LDHD: variants seen among roughly 807,000 people sequenced by gnomAD.
LDHD encodes lactate dehydrogenase D.
Under a neutral mutation model 52.9 loss-of-function variants are expected in LDHD, and 58 were observed. The observed-to-expected ratio is 1.10, with a 90% CI of 0.89 to 1.36. LDHD has a LOEUF of 1.36. Ranked by LOEUF, LDHD falls within the 40% of genes most tolerant of loss-of-function variation. LDHD has a pLI of 0.00. For synonymous variants in LDHD, 350 were observed against 288.6 expected, an observed-to-expected ratio of 1.21 and a Z score of -2.16; for missense variants, 747 against 668.0, an observed-to-expected ratio of 1.12 and a Z score of -1.30.
intron 5 of LDHD, 168 bp from the exon 6 acceptor site, chr16:75,114,333 C>A: frequency 6.8e-7 from 1 of 1,468,882 alleles, no homozygotes; most frequent in South Asian, 1.3e-5. Flanking sequence ...CAAAGCCAGT[C>A]GGCCTCAGGC....
In LDHD at chr16:75,113,540, A is replaced by G. The variant is rs773986019; in HGVS notation, c.1081T>C (p.Cys361Arg). 5 of 1,605,572 alleles carry G rather than the reference A, an allele frequency of 3.1e-6. No individual in the cohort carries two copies. Among genetic ancestry groups the G allele is most frequent in the Non-Finnish European group, 2.6e-6 (3 of 1,176,288 alleles). ...GTACCCCAGCCCCAGCTCACCTTGCAGCCTGGCCGCGTGGCCAGGGCTGCG... is the reference window on the plus strand; with the variant it reads ...GTACCCCAGCCCCAGCTCACCTTGCGGCCTGGCCGCGTGGCCAGGGCTGCG... The part of the protein sequence containing the change: ...WYAALATRPG[C>R]KGYSTDVCVP... Residue 361 changes from cysteine to arginine, a missense_variant, in exon 8 of 11, where the codon TGC becomes CGC. Cys to Arg is a radical substitution (Grantham distance 180). Transcript: ENST00000450168.
chr16:75,112,251 A>G lies in LDHD; in HGVS notation c.*105T>C. 1 of 1,357,094 alleles carries G rather than the reference A, an allele frequency of 7.4e-7. No homozygotes were observed. Among genetic ancestry groups the G allele is most frequent in the Non-Finnish European group, 1.0e-6 (1 of 989,278 alleles). The allele number at this position is 1,357,094 out of a possible 1,614,324, so 84.1% of individuals were successfully genotyped here. A position where few individuals can be genotyped will look rare whatever the true frequency, so the allele number is the denominator to read the frequency against. Reference sequence around the variant, plus strand: ...AGATACAGTGGGCTCGCTGGCAGGAAGACTGCCTCAGCATCTATTTCCTTG... The same window carrying G: ...AGATACAGTGGGCTCGCTGGCAGGAGGACTGCCTCAGCATCTATTTCCTTG... On this transcript the variant is annotated 3_prime_UTR_variant, in exon 11 of 11. Transcript: ENST00000450168.
At position 75,112,826 on chromosome 16, in the gene LDHD, G is replaced by T. The variant is rs769030203; in HGVS notation, c.1177+8C>A. The stretch of plus-strand genomic sequence containing the variant: ...CCCACCTCTCCCCAGCAGCAGGGTG[G>T]GCAGAACCTGTGAGTCCTGAGGCAT... On this transcript the variant is annotated splice_region_variant and intron_variant, in intron 9 of 10. Transcript: ENST00000450168. The T allele has an allele frequency of 6.2e-7, 1 of 1,611,642 alleles. No homozygotes were observed. The highest frequency in any genetic ancestry group is 1.3e-5 in the African/African-American group (1 of 74,972).
chr16:75,113,526 C>T lies in LDHD; in HGVS notation c.1086+9G>A. On this transcript the variant is annotated intron_variant, in intron 8 of 10. Transcript: ENST00000450168. Reference sequence around the variant, plus strand: ...TGTGGGCCCCATCTGTACCCCAGCCCCAGCTCACCTTGCAGCCTGGCCGCG... The same window carrying T: ...TGTGGGCCCCATCTGTACCCCAGCCTCAGCTCACCTTGCAGCCTGGCCGCG... 6.2e-7 allele frequency: 1 copy of T among 1,601,496 alleles called. No homozygotes were observed. Among genetic ancestry groups the T allele is most frequent in the South Asian group, 1.1e-5 (1 of 90,186 alleles).
At chr16:75,115,422 G>C (rs1182385796) in intron 2 of LDHD, 83 bp from the exon 3 acceptor site, 2 of 1,595,784 alleles carry the variant, frequency 1.3e-6, no homozygotes, top group Non-Finnish European at 8.6e-7. Flanking sequence ...TACAGCAAGC[G>C]AGGGGCAGAG....
At position 75,115,654 on chromosome 16, in the gene LDHD, G is replaced by A. The variant is rs2036536684; in HGVS notation, c.79C>T (p.Leu27Phe). 1 of 1,600,696 alleles carries A rather than the reference G, an allele frequency of 6.2e-7. No homozygotes were observed. The highest frequency in any genetic ancestry group is 1.3e-5 in the African/African-American group (1 of 74,792). ...GYCSQKAKGE[L>F]CRDFVEALKA... ...AGAGCCTCTACGAAGTCCCTGCAGA[G>A]CTCTCCCTGCAGGGAAGAAACACAC... The change falls in exon 2 of 11, where the codon CTC becomes TTC. Residue 27 changes from leucine to phenylalanine, a missense_variant. Coordinates refer to ENST00000450168, the MANE Select transcript of LDHD (RefSeq NM_194436.3).
rs765969328 is a variant in LDHD at position 75,115,285 on chromosome 16, C to T, written c.240G>A (p.Arg80=). Residue 80 remains arginine, a synonymous_variant, in exon 3 of 11, where the codon CGG becomes CGA. Coordinates refer to ENST00000450168, the MANE Select transcript of LDHD (RefSeq NM_194436.3). The part of the protein sequence containing the change: ...VWPQNVEQVS[R]LAALCYRQGV... ...CTTGGCGATAGCACAGGGCTGCCAG[C>T]CGGCTGACCTGCTCCACGTTCTGGG... 20 of 1,613,568 alleles carry T rather than the reference C, an allele frequency of 1.2e-5. No individual in the cohort carries two copies. In the South Asian group the frequency reaches 2.0e-4, roughly 16 times the overall value.
In LDHD at chr16:75,113,583, T is replaced by C. The variant is rs781298856; in HGVS notation, c.1038A>G (p.Ala346=). Reference sequence around the variant, plus strand: ...GGGCTGCGTACCAGGCATTGTGCCGTGCTGTCCAAAGCCGGCTGCGCTCCT... The same window carrying C: ...GGGCTGCGTACCAGGCATTGTGCCGCGCTGTCCAAAGCCGGCTGCGCTCCT... ...EAEERSRLWT[A]RHNAWYAALA... is the part of the protein sequence containing the mutation. The change falls in exon 8 of 11, where the codon GCA becomes GCG. Residue 346 remains alanine (A), a synonymous_variant. Coordinates refer to ENST00000450168, the MANE Select transcript of LDHD (RefSeq NM_194436.3). 2 of 1,613,140 alleles carry C rather than the reference T, an allele frequency of 1.2e-6. No homozygotes were observed. Among genetic ancestry groups the C allele is most frequent in the Non-Finnish European group, 1.7e-6 (2 of 1,179,942 alleles).
chr16:75,112,823 G>A lies in LDHD; in HGVS notation c.1177+11C>T, dbSNP rs1482790844. On this transcript the variant is annotated intron_variant, in intron 9 of 10. Coordinates refer to ENST00000450168, the MANE Select transcript of LDHD (RefSeq NM_194436.3). ...CTCCCCACCTCTCCCCAGCAGCAGG[G>A]TGGGCAGAACCTGTGAGTCCTGAGG... 1 of 1,611,444 alleles carries A rather than the reference G, an allele frequency of 6.2e-7. No individual in the cohort carries two copies. Among genetic ancestry groups the A allele is most frequent in the East Asian group, 2.2e-5 (1 of 44,788 alleles).
chr16:75,116,640 T>G lies in LDHD; in HGVS notation c.72+9A>C, dbSNP rs1484151145. The stretch of plus-strand genomic sequence containing the variant: ...ATCCCTCCAGAGGACTTCTCTTCTC[T>G]CCCGGTACCTTTGCCTTCTGGGAGC... On this transcript the variant is annotated intron_variant, in intron 1 of 10. Coordinates refer to ENST00000450168, the MANE Select transcript of LDHD (RefSeq NM_194436.3). 1.9e-6 allele frequency: 3 copies of G among 1,605,256 alleles called. No individual in the cohort carries two copies. Among genetic ancestry groups the G allele is most frequent in the Non-Finnish European group, 2.6e-6 (3 of 1,175,892 alleles).
Position 75,114,862 on chromosome 16 carries a change from G to T in LDHD, c.434C>A (p.Ala145Asp). 6.2e-7 allele frequency: 1 copy of T among 1,613,956 alleles called. No individual in the cohort carries two copies. The highest frequency in any genetic ancestry group is 8.5e-7 in the Non-Finnish European group (1 of 1,179,972). Residue 145 changes from alanine (A) to aspartate (D), a missense_variant, in exon 4 of 11, where the codon GCC (alanine) becomes GAC (aspartate). Coordinates refer to ENST00000450168, the MANE Select transcript of LDHD (RefSeq NM_194436.3). ...CCAGAGGCCGCTGTCCCGCAGGTGG[G>T]CGTTGAGGGCTTTGCGGGTGACACC... is the stretch of plus-strand genomic sequence containing the variant. Reference protein sequence around the residue: ...EPGVTRKALNAHLRDSGLWFP... With the variant: ...EPGVTRKALNDHLRDSGLWFP...
chr16:75,113,554 G>C lies in LDHD; in HGVS notation c.1067C>G (p.Ala356Gly). ...ARHNAWYAAL[A>G]TRPGCKGYST... Reference sequence around the variant, plus strand: ...GCTCACCTTGCAGCCTGGCCGCGTGGCCAGGGCTGCGTACCAGGCATTGTG... The same window carrying C: ...GCTCACCTTGCAGCCTGGCCGCGTGCCCAGGGCTGCGTACCAGGCATTGTG... The change falls in exon 8 of 11, where the codon GCC becomes GGC. Residue 356 changes from alanine to glycine, a missense_variant. By Grantham distance (60) the Ala-to-Gly change is moderately conservative. Transcript: ENST00000450168. 6.2e-7 allele frequency: 1 copy of C among 1,611,582 alleles called. No individual in the cohort carries two copies.
rs1285848468 is a variant in LDHD at position 75,112,190 on chromosome 16, C to G, written c.*166G>C. 1.7e-5 allele frequency: 14 copies of G among 802,238 alleles called. No homozygotes were observed. In the Admixed American group the frequency reaches 2.1e-4, roughly 12 times the overall value. 49.7% of individuals were successfully genotyped at this position (802,238 alleles called of 1,614,324 possible). Reference sequence around the variant, plus strand: ...AGAGGGCCAGGGAGGTAACACGGTGCTCAGGCTTCTCTCTGGGCCCTCTGG... The same window carrying G: ...AGAGGGCCAGGGAGGTAACACGGTGGTCAGGCTTCTCTCTGGGCCCTCTGG... On this transcript the variant is annotated 3_prime_UTR_variant, in exon 11 of 11. Transcript: ENST00000450168.
In LDHD at chr16:75,115,286, CG is replaced by C; in HGVS notation, c.238del (p.Arg80GlyfsTer37). ...VWPQNVEQVS[R>X]LAALCYRQGV... ...TTGGCGATAGCACAGGGCTGCCAGC[CG>C]GCTGACCTGCTCCACGTTCTGGGGC... On this transcript the variant is annotated frameshift_variant, in exon 3 of 11. Coordinates refer to ENST00000450168, the MANE Select transcript of LDHD (RefSeq NM_194436.3). LOFTEE classifies it high-confidence loss of function. The C allele has an allele frequency of 6.2e-7, 1 of 1,613,594 alleles. No homozygotes were observed. Among genetic ancestry groups the C allele is most frequent in the East Asian group, 2.2e-5 (1 of 44,874 alleles).
chr16:75,116,392 C>T (rs2036557632), intron 1 of LDHD, among the ~76,000 whole-genome samples: 1 of 152,146 alleles, frequency 6.6e-6, no homozygotes, highest in Non-Finnish European at 1.5e-5. Context: ...TCCTTCAGGG[C>T]CTTCTTCCAC....
In LDHD at chr16:75,112,400, C is replaced by G; in HGVS notation, c.1411G>C (p.Val471Leu). ...GVETMRQLKA[V>L]LDPQGLMNPG... ...TTCATGAGGCCTTGGGGGTCTAGCA[C>G]GGCCTTGAGCTGCCGCATGGTCTCC... Residue 471 changes from valine (V) to leucine (L), a missense_variant, in exon 11 of 11, where the codon GTG (valine) becomes CTG (leucine). Coordinates refer to ENST00000450168, the MANE Select transcript of LDHD (RefSeq NM_194436.3). 1 of 1,613,478 alleles carries G rather than the reference C, an allele frequency of 6.2e-7. No homozygotes were observed. The highest frequency in any genetic ancestry group is 8.5e-7 in the Non-Finnish European group (1 of 1,180,000).
intron 5 of LDHD, 68 bp downstream of exon 5, chr16:75,114,458 G>A: frequency 7.0e-7 from 1 of 1,422,140 alleles, no homozygotes; most frequent in Non-Finnish European, 9.2e-7. Context: ...TCACAGCCCG[G>A]TCTCTGCAGG....
Position 75,116,662 on chromosome 16 carries a change from G to A in LDHD, c.59C>T (p.Ser20Phe). Residue 20 changes from serine (S) to phenylalanine (F), a missense_variant, in exon 1 of 11, where the codon TCC (serine) becomes TTC (phenylalanine). Coordinates refer to ENST00000450168, the MANE Select transcript of LDHD (RefSeq NM_194436.3). ...CTCTCCCGGTACCTTTGCCTTCTGG[G>A]AGCAGTAGCCCCTCCAGGGGAACAG... Reference protein sequence around the residue: ...WELFPWRGYCSQKAKGELCRD... With the variant: ...WELFPWRGYCFQKAKGELCRD... The A allele has an allele frequency of 6.2e-7, 1 of 1,604,096 alleles. No homozygotes were observed. The highest frequency in any genetic ancestry group is 2.3e-5 in the East Asian group (1 of 43,948).
In LDHD at chr16:75,112,316, C is replaced by T. The variant is rs368743762; in HGVS notation, c.*40G>A. Reference sequence around the variant, plus strand: ...TGAAGAAAAGTTCCAGAACCGGCTCCGTAGTCAGGGAACTTGTGGGCTAAG... The same window carrying T: ...TGAAGAAAAGTTCCAGAACCGGCTCTGTAGTCAGGGAACTTGTGGGCTAAG... On this transcript the variant is annotated 3_prime_UTR_variant, in exon 11 of 11. Coordinates refer to ENST00000450168, the MANE Select transcript of LDHD (RefSeq NM_194436.3). 14 of 1,569,458 alleles carry T rather than the reference C, an allele frequency of 8.9e-6. No individual in the cohort carries two copies. In the African/African-American group the frequency reaches 1.1e-4, roughly 12 times the overall value.
Sources: allele counts gnomAD v4.1 joint callset (sites outside exome capture counted in the v4.1 genomes callset), GRCh38; gene constraint gnomAD v4.1.1; transcripts MANE v1.5; gene names NCBI Gene and HGNC (gene_info 2026-07-23, HGNC 2026-07-21).